MACROD1: variants seen among roughly 807,000 people sequenced by gnomAD.
MACROD1 encodes mono-ADP ribosylhydrolase 1, also known as ADP-ribose glycohydrolase MACROD1.
In MACROD1, 31 loss-of-function variants were observed where a neutral mutation model predicts 41.4. The observed-to-expected ratio is 0.75, with a 90% CI of 0.56 to 1.01. The LOEUF is 1.01. Among genes scored for constraint, MACROD1 ranks in the 50% least tolerant of loss-of-function variants. MACROD1 has a pLI of 0.00. For synonymous variants in MACROD1, 252 were observed against 203.4 expected, an observed-to-expected ratio of 1.24 and a Z score of -2.03; for missense variants, 473 against 460.0, an observed-to-expected ratio of 1.03 and a Z score of -0.26.
At chr11:64,144,556 G>C (rs1313524296) in intron 3 of MACROD1, among the ~76,000 whole-genome samples, 1 of 152,198 alleles carries the variant, frequency 6.6e-6, no homozygotes, top group Non-Finnish European at 1.5e-5. Context: ...AGCACATCCA[G>C]AGTGGCCAGG....
At chr11:64,115,673 C>T (rs1314514431) in intron 3 of MACROD1, among the ~76,000 whole-genome samples, 1 of 152,254 alleles carries the variant, frequency 6.6e-6, no homozygotes, top group Non-Finnish European at 1.5e-5. Context: ...CGACGCCCCC[C>T]TTTTGAGCTC....
intron 3 of MACROD1, chr11:64,060,793 C>T (rs1167831204): frequency 6.6e-6 from 1 of 152,210 alleles, no homozygotes; most frequent in Non-Finnish European, 1.5e-5. Flanking sequence ...CTCTCGAATG[C>T]CCAGTCTTTG....
At chr11:64,065,841 G>A (rs927544450) in intron 3 of MACROD1, among the ~76,000 whole-genome samples, 6 of 150,704 alleles carry the variant, frequency 4.0e-5, no homozygotes, top group Admixed American at 3.3e-4. Context: ...CTCTCTCCAT[G>A]CACAGGCAGG....
chr11:64,031,932 T>G (rs932014226), intron 3 of MACROD1, among the ~76,000 whole-genome samples: 1 of 152,214 alleles, frequency 6.6e-6, no homozygotes, highest in Non-Finnish European at 1.5e-5. Context: ...CACCCCTCCT[T>G]GGAGGTGATA....
At chr11:64,143,753 T>TACACACACAC (rs55995667) in intron 3 of MACROD1, among the ~76,000 whole-genome samples, 3,221 of 101,540 alleles carry the variant, frequency 0.032, 295 homozygotes, top group African/African-American at 0.083. Context: ...GACACACACA[T>TACACACACAC]ACACACACAC....
intron 1 of MACROD1, among the ~76,000 whole-genome samples, chr11:64,157,014 G>A (rs933946834): frequency 3.3e-5 from 5 of 152,146 alleles, no homozygotes; most frequent in South Asian, 4.1e-4. Flanking sequence ...GGCAATCCTC[G>A]CCCGCCAGGC....
chr11:63,998,736 C>T (rs1378789759), intron 10 of MACROD1, 49 bp from the exon 11 acceptor site: 1 of 1,415,516 alleles, frequency 7.1e-7, no homozygotes, highest in South Asian at 1.6e-5. Context: ...CCCGACCTCC[C>T]AGGCTGCCCC....
chr11:64,110,252 C>T (rs954398821), intron 3 of MACROD1, among the ~76,000 whole-genome samples: 3 of 152,120 alleles, frequency 2.0e-5, no homozygotes, highest in African/African-American at 7.2e-5. Context: ...GAGTTCAAGA[C>T]CAGCCTGGGC....
In MACROD1 at chr11:63,999,054, C is replaced by A; in HGVS notation, c.892-18G>T. On this transcript the variant is annotated intron_variant, in intron 8 of 10. Coordinates refer to ENST00000255681, the MANE Select transcript of MACROD1 (RefSeq NM_014067.4). ...CGGTCCACCTGCGCCAGGGGCTGCT[C>A]AGCCTGGGCCGAGCTGCCACGCCTG... 1 of 1,588,502 alleles carries A rather than the reference C, an allele frequency of 6.3e-7. No individual in the cohort carries two copies. The highest frequency in any genetic ancestry group is 8.6e-7 in the Non-Finnish European group (1 of 1,169,400).
chr11:64,041,181 A>G (rs1943477109), intron 3 of MACROD1, among the ~76,000 whole-genome samples: 1 of 144,570 alleles, frequency 6.9e-6, no homozygotes, highest in South Asian at 2.3e-4. Flanking sequence ...ACCAGATTAC[A>G]ACAGATTTAG....
At chr11:64,106,514 GATAA>G (rs1453117885) in intron 3 of MACROD1, among the ~76,000 whole-genome samples, 1 of 152,222 alleles carries the variant, frequency 6.6e-6, no homozygotes. Flanking sequence ...ATAAACTCAT[GATAA>G]ATAAATAGGG....
At position 64,021,940 on chromosome 11, in the gene MACROD1, G is replaced by A. The variant is rs1230365019; in HGVS notation, c.518-6659C>T. ...AAGGGAGTGGCAGGGGGCCGGGGGG[G>A]GGGGGGGGGGGTGTGAGGTGGCGGC... On this transcript the variant is annotated intron_variant, in intron 3 of 10. Transcript: ENST00000255681. Among the ~76,000 whole-genome samples, 8 of 65,548 alleles carry A rather than the reference G, an allele frequency of 1.2e-4. No homozygotes were observed. In the East Asian group the frequency reaches 3.1e-3, roughly 25 times the overall value. 43.0% of individuals were successfully genotyped at this position (65,548 alleles called of 152,430 possible).
At chr11:64,117,432 A>G in intron 3 of MACROD1, 1 of 1,612,858 alleles carries the variant, frequency 6.2e-7, no homozygotes, top group South Asian at 1.1e-5. Flanking sequence ...CGGCGTGGCC[A>G]ATGCGGCTGC....
At chr11:64,068,844 T>C (rs1944053749) in intron 3 of MACROD1, among the ~76,000 whole-genome samples, 1 of 152,228 alleles carries the variant, frequency 6.6e-6, no homozygotes, top group African/African-American at 2.4e-5. Context: ...CCTCCCAGCC[T>C]GGTTGAGTGA....
intron 3 of MACROD1, among the ~76,000 whole-genome samples, chr11:64,025,296 G>A (rs535883): frequency 0.31 from 47,596 of 152,100 alleles, 9,255 homozygotes; most frequent in Non-Finnish European, 0.44. Context: ...GAGTTTGCAC[G>A]AGGAAAGAGT....
At chr11:64,013,743 C>A (rs1253982800) in intron 4 of MACROD1, among the ~76,000 whole-genome samples, 1 of 152,222 alleles carries the variant, frequency 6.6e-6, no homozygotes, top group East Asian at 1.9e-4. Flanking sequence ...TGGGCCATCT[C>A]CCATCTCCCC....
intron 1 of MACROD1, among the ~76,000 whole-genome samples, chr11:64,164,550 C>CT (rs778803771): frequency 1.3e-5 from 2 of 152,252 alleles, no homozygotes; most frequent in Non-Finnish European, 2.9e-5. Context: ...GGCCAAGTGC[C>CT]TGACAAGTTC....
intron 3 of MACROD1, among the ~76,000 whole-genome samples, chr11:64,034,171 C>T (rs555012376): frequency 3.3e-5 from 5 of 152,172 alleles, no homozygotes; most frequent in Non-Finnish European, 5.9e-5. Context: ...CTGAGCCACA[C>T]GCCAAGTGCT....
At chr11:64,144,423 T>G (rs1945462292) in intron 3 of MACROD1, among the ~76,000 whole-genome samples, 2 of 152,214 alleles carry the variant, frequency 1.3e-5, no homozygotes, top group Non-Finnish European at 1.5e-5. Context: ...CTATGTATGT[T>G]GCATGGATGA....
Sources: gnomAD v4.1 joint callset for allele counts (sites outside exome capture counted in the v4.1 genomes callset) on GRCh38, gnomAD v4.1.1 for gene constraint, MANE v1.5 for transcripts, NCBI Gene and HGNC (gene_info 2026-07-23, HGNC 2026-07-21) for gene names.